The following MAP4K4 variants were observed in gnomAD, a reference collection of about 807,000 sequenced individuals.
MAP4K4 encodes the protein mitogen-activated protein kinase kinase kinase kinase 4, also known as HPK/GCK-like kinase HGK.
Under a neutral mutation model 189.6 loss-of-function variants are expected in MAP4K4, and 38 were observed. The ratio of observed to expected loss-of-function variants is 0.20; its 90% CI spans 0.15 to 0.26. The LOEUF (loss-of-function observed/expected upper bound fraction) is 0.26, where lower values mean the gene tolerates loss of function less well. Ranked by LOEUF, MAP4K4 falls within the 10% of genes least tolerant of loss-of-function variation. MAP4K4 has a pLI of 1.00. For missense variants in MAP4K4, 1,054 were observed against 1,726.9 expected (o/e 0.61, Z 6.91); for synonymous variants, 610 against 624.3 (o/e 0.98, Z 0.34).
chr2:101,817,475 C>T (rs1437789269), intron 3 of MAP4K4, among the ~76,000 whole-genome samples: 1 of 152,152 alleles, frequency 6.6e-6, no homozygotes, highest in Non-Finnish European at 1.5e-5. Flanking sequence ...CTATATTCAC[C>T]ATCTGAAGTC....
At chr2:101,699,923 A>G (rs2149115472) in intron 2 of MAP4K4, among the ~76,000 whole-genome samples, 1 of 152,288 alleles carries the variant, frequency 6.6e-6, no homozygotes, top group African/African-American at 2.4e-5. Flanking sequence ...AAAATTTTGG[A>G]AAAGATTGTG....
chr2:101,864,473 T>A (rs1342008637), intron 17 of MAP4K4, among the ~76,000 whole-genome samples: 2 of 152,240 alleles, frequency 1.3e-5, no homozygotes, highest in African/African-American at 2.4e-5. Flanking sequence ...TGTGTTTACA[T>A]AATAGTGAAA....
At chr2:101,828,440 G>T (rs2096459287) in intron 5 of MAP4K4, among the ~76,000 whole-genome samples, 1 of 152,188 alleles carries the variant, frequency 6.6e-6, no homozygotes, top group Non-Finnish European at 1.5e-5. Context: ...TCTAGTCAGT[G>T]CTTTGCGGTA....
chr2:101,837,099 C>CTTT (rs76757886), intron 9 of MAP4K4, among the ~76,000 whole-genome samples: 1 of 133,248 alleles, frequency 7.5e-6, no homozygotes, highest in Admixed American at 7.5e-5. Context: ...TACTATATGG[C>CTTT]TTTTTTTTTT....
chr2:101,744,955 C>A (rs2064570979), intron 2 of MAP4K4, among the ~76,000 whole-genome samples: 1 of 152,084 alleles, frequency 6.6e-6, no homozygotes, highest in Non-Finnish European at 1.5e-5. Flanking sequence ...GTTGAAGGTA[C>A]TTTTGTCATC....
chr2:101,858,693 G>A (rs75508040), intron 13 of MAP4K4, among the ~76,000 whole-genome samples: 2,189 of 152,244 alleles, frequency 0.014, 27 homozygotes, highest in South Asian at 0.027. Flanking sequence ...ACCTTAAGAG[G>A]AATGGCATAC....
At position 101,743,618 on chromosome 2, in the gene MAP4K4, T is replaced by TACCCCTAGTATTTTAA. The variant is rs574127266; in HGVS notation, c.123+45083_123+45084insCCTAGTATTTTAAACC. 9.1e-4 allele frequency among the ~76,000 whole-genome samples: 139 copies of TACCCCTAGTATTTTAA among 152,208 alleles called. 1 individual carries two copies. Among genetic ancestry groups the TACCCCTAGTATTTTAA allele is most frequent in the African/African-American group, 3.3e-3 (137 of 41,514 alleles). On this transcript the variant is annotated intron_variant, in intron 2 of 32. Coordinates refer to ENST00000324219, the Ensembl canonical transcript of MAP4K4. ...GATAACATGTTTACTAGGGGGAAAATACCTCTACATTTTAAACCACTCCCA... is the reference window on the plus strand; with the variant it reads ...GATAACATGTTTACTAGGGGGAAAATACCCCTAGTATTTTAAACCTCTACATTTTAAACCACTCCCA...
intron 2 of MAP4K4, among the ~76,000 whole-genome samples, chr2:101,757,755 C>T (rs1195046759): frequency 1.3e-5 from 2 of 152,248 alleles, no homozygotes; most frequent in African/African-American, 4.8e-5. Flanking sequence ...TGTGGTGGCT[C>T]ACGCCTGTAA....
At chr2:101,893,172 C>G (rs557230978) in exon 33 of MAP4K4, 1 of 456,414 alleles carries the variant, frequency 2.2e-6, no homozygotes, top group East Asian at 6.9e-5. Context: ...AAAAGGCCCT[C>G]CTTTGAGCTA....
chr2:101,877,246 C>A, intron 27 of MAP4K4, 100 bp downstream of exon 27: 1 of 1,193,790 alleles, frequency 8.4e-7, no homozygotes, highest in Non-Finnish European at 1.2e-6. Flanking sequence ...GATGTACTGG[C>A]TAAATAAGGT....
At chr2:101,734,679 G>A (rs1327971855) in intron 2 of MAP4K4, among the ~76,000 whole-genome samples, 1 of 152,150 alleles carries the variant, frequency 6.6e-6, no homozygotes, top group African/African-American at 2.4e-5. Flanking sequence ...TGGCCAGTGG[G>A]CTGGTTGCTT....
intron 2 of MAP4K4, among the ~76,000 whole-genome samples, chr2:101,755,895 C>T (rs1253095139): frequency 3.7e-5 from 5 of 135,460 alleles, no homozygotes; most frequent in Admixed American, 3.0e-4. Flanking sequence ...TTGATGCATG[C>T]GGGGAAACTT....
intron 12 of MAP4K4, 26 bp from the exon 13 acceptor site, chr2:101,855,951 G>A (rs1386348877): frequency 6.5e-7 from 1 of 1,540,586 alleles, no homozygotes; most frequent in Non-Finnish European, 8.7e-7. Flanking sequence ...AAGATCCCTG[G>A]TAATTATACA....
intron 2 of MAP4K4, among the ~76,000 whole-genome samples, chr2:101,751,835 T>C (rs1331220786): frequency 6.6e-6 from 1 of 152,180 alleles, no homozygotes; most frequent in Non-Finnish European, 1.5e-5. Context: ...GTCTGGACAG[T>C]GTGTCCCATT....
exon 22 of MAP4K4, chr2:101,869,737 A>G (rs947540335): frequency 1.3e-6 from 2 of 1,593,886 alleles, no homozygotes; most frequent in Middle Eastern, 1.7e-4. Flanking sequence ...GAGGAGGACG[A>G]CGATGTGGAG....
At chr2:101,715,453 T>C (rs2047881684) in intron 2 of MAP4K4, among the ~76,000 whole-genome samples, 1 of 152,244 alleles carries the variant, frequency 6.6e-6, no homozygotes, top group African/African-American at 2.4e-5. Flanking sequence ...ATAACTTTAC[T>C]CTAAAGTGCT....
intron 2 of MAP4K4, among the ~76,000 whole-genome samples, chr2:101,762,096 T>G (rs1452964307): frequency 6.6e-6 from 1 of 152,166 alleles, no homozygotes; most frequent in African/African-American, 2.4e-5. Context: ...TAGGGTTGTT[T>G]TCAGGATTAG....
At chr2:101,872,207 T>TA (rs1225943993) in intron 24 of MAP4K4, among the ~76,000 whole-genome samples, 1 of 152,140 alleles carries the variant, frequency 6.6e-6, no homozygotes, top group Non-Finnish European at 1.5e-5. Flanking sequence ...TGATTACTCT[T>TA]ACTTGTTTTC....
chr2:101,854,085 A>G (rs2097368676), intron 12 of MAP4K4, among the ~76,000 whole-genome samples: 1 of 152,162 alleles, frequency 6.6e-6, no homozygotes, highest in Non-Finnish European at 1.5e-5. Flanking sequence ...AAGAAAGAAG[A>G]TGACAAGGAT....
Sources: gnomAD v4.1 joint callset for allele counts (sites outside exome capture counted in the v4.1 genomes callset) on GRCh38, gnomAD v4.1.1 for gene constraint, MANE v1.5 for transcripts, NCBI Gene and HGNC (gene_info 2026-07-23, HGNC 2026-07-21) for gene names.